The following ANKRD26 variants were observed in gnomAD, a reference collection of about 807,000 sequenced individuals.
The protein encoded by ANKRD26 is ankyrin repeat domain-containing protein 26.
ANKRD26 carries 141 observed loss-of-function variants against 208.7 expected under a neutral mutation model. That is an observed-to-expected ratio of 0.68 (90% CI 0.59 to 0.78). ANKRD26 has a LOEUF of 0.78. ANKRD26 is among the 30% of genes least tolerant of loss of function. The pLI, the probability that ANKRD26 is intolerant of heterozygous loss-of-function variation, is 0.00. For missense variants in ANKRD26, 1,889 were observed against 1,938.7 expected, an observed-to-expected ratio of 0.97 and a Z score of 0.48; for synonymous variants, 636 against 660.4, an observed-to-expected ratio of 0.96 and a Z score of 0.57.
At chr10:27,074,680 G>T (rs1443921706) in intron 9 of ANKRD26, among the ~76,000 whole-genome samples, 1 of 151,476 alleles carries the variant, frequency 6.6e-6, no homozygotes, top group Non-Finnish European at 1.5e-5. Flanking sequence ...TCTCGAGGGG[G>T]GAAAAGAAAA....
In ANKRD26 at chr10:27,034,896, T is replaced by G; in HGVS notation, c.3554A>C (p.Gln1185Pro). 1 of 1,613,896 alleles carries G rather than the reference T, an allele frequency of 6.2e-7. No homozygotes were observed. The highest frequency in any genetic ancestry group is 2.2e-5 in the East Asian group (1 of 44,872). Residue 1185 changes from glutamine to proline, a missense_variant, in exon 24 of 34, where the codon CAA becomes CCA. Around this residue, in one of 3 missense-constraint regions of ANKRD26, gnomAD observed 613 missense variants for 648.2 expected, o/e 0.95. Coordinates refer to ENST00000376087, the MANE Select transcript of ANKRD26 (RefSeq NM_014915.3). The stretch of plus-strand genomic sequence containing the variant: ...ATTTCTTTCTTCTAGCAGAAGACTT[T>G]GCTTTTCACTCTCAGCTTGAAGTTT... ...VQKLQAESEK[Q>P]SLLLEERNKE...
chr10:26,969,717 C>T (rs1223868355), downstream of ANKRD26, among the ~76,000 whole-genome samples: 1 of 151,804 alleles, frequency 6.6e-6, no homozygotes, highest in Non-Finnish European at 1.5e-5. Flanking sequence ...AGTATTTATG[C>T]ATTTTTTTTC....
the ANKRD26 span, among the ~76,000 whole-genome samples, chr10:26,967,120 G>T: frequency 7.7e-6 from 1 of 129,860 alleles, no homozygotes; most frequent in Admixed American, 7.4e-5. Flanking sequence ...TTTATGACAA[G>T]TGATATAACA....
At chr10:26,975,343 C>T (rs111332120) in exon 6 of ANKRD26, among the ~76,000 whole-genome samples, 5 of 151,658 alleles carry the variant, frequency 3.3e-5, no homozygotes, top group African/African-American at 1.2e-4. Context: ...ATCCTCCCAC[C>T]TCAGCCTCCT....
Position 27,053,384 on chromosome 10 carries a change from T to A in ANKRD26, c.1571A>T (p.His524Leu), listed in dbSNP as rs199656285. 4 of 1,610,218 alleles carry A rather than the reference T, an allele frequency of 2.5e-6. No individual in the cohort carries two copies. Among genetic ancestry groups the A allele is most frequent in the Non-Finnish European group, 2.5e-6 (3 of 1,178,010 alleles). Residue 524 changes from histidine (H) to leucine (L), a missense_variant, in exon 16 of 34, where the codon CAT (histidine) becomes CTT (leucine). Transcript: ENST00000376087. ...TTCTTCTGATGCTACTTCTAAGTCA[T>A]GTTCAGCTGAAAAAATCCAAATATT... Reference protein sequence around the residue: ...KDVQTSKAAEHDLEVASEEEQ... With the variant: ...KDVQTSKAAELDLEVASEEEQ...
intron 6 of ANKRD26, among the ~76,000 whole-genome samples, chr10:27,079,652 G>A (rs535303342): frequency 9.9e-5 from 15 of 152,238 alleles, no homozygotes; most frequent in Non-Finnish European, 1.5e-4. Flanking sequence ...CCAGGAGTTC[G>A]AGATCAGCCT....
intron 16 of ANKRD26, among the ~76,000 whole-genome samples, chr10:27,049,648 ATATAG>A: frequency 6.6e-6 from 1 of 152,320 alleles, no homozygotes; most frequent in Non-Finnish European, 1.5e-5. Flanking sequence ...GCTGGAGGAT[ATATAG>A]TATAAGTATT....
At chr10:27,081,894 G>A (rs909028240) in intron 6 of ANKRD26, among the ~76,000 whole-genome samples, 1 of 151,752 alleles carries the variant, frequency 6.6e-6, no homozygotes, top group African/African-American at 2.4e-5. Flanking sequence ...GCGCCACCAC[G>A]CCTGGCTAAT....
At chr10:26,966,412 A>G in the ANKRD26 span, among the ~76,000 whole-genome samples, 3 of 152,200 alleles carry the variant, frequency 2.0e-5, no homozygotes, top group African/African-American at 7.2e-5. Flanking sequence ...GTTCTCACTT[A>G]TAAGTGGGAG....
chr10:27,046,189 ATTGAAATGGCTGC>A (rs1229741988), intron 18 of ANKRD26, 151 bp downstream of exon 18: 1 of 755,984 alleles, frequency 1.3e-6, no homozygotes, highest in African/African-American at 1.8e-5. Flanking sequence ...GTGACCATTT[ATTGAAATGGCTGC>A]TTGTCAAAGT....
intron 3 of ANKRD26, among the ~76,000 whole-genome samples, chr10:26,983,188 C>T (rs2052334360): frequency 6.6e-6 from 1 of 152,136 alleles, no homozygotes; most frequent in Non-Finnish European, 1.5e-5. Context: ...TTTGTTAAGG[C>T]CTCTATATGC....
At chr10:27,001,304 G>A (rs2052719780), downstream of ANKRD26, among the ~76,000 whole-genome samples, 1 of 152,148 alleles carries the variant, frequency 6.6e-6, no homozygotes, top group Non-Finnish European at 1.5e-5. Context: ...CAGCATCACT[G>A]ATGGAGTAAT....
chr10:27,076,209 CCAAAAACACAATAT>C, intron 9 of ANKRD26, among the ~76,000 whole-genome samples: 1 of 150,106 alleles, frequency 6.7e-6, no homozygotes, highest in South Asian at 2.1e-4. Context: ...GTATTTATAA[CCAAAAACACAATAT>C]AAAAGATCAA....
In ANKRD26 at chr10:27,034,930, T is replaced by C. The variant is rs749443513; in HGVS notation, c.3520A>G (p.Ile1174Val). 6 of 1,613,962 alleles carry C rather than the reference T, an allele frequency of 3.7e-6. No individual in the cohort carries two copies. The Admixed American group carries it at 5.0e-5, about 13-fold the overall frequency. The change falls in exon 24 of 34, where the codon ATT becomes GTT. Residue 1174 changes from isoleucine (I) to valine (V), a missense_variant. Physicochemically the swap from Ile to Val is conservative, Grantham distance 29 (BLOSUM62 3). This residue lies in a region of ANKRD26 where 613 missense variants were observed against 648.2 expected (regional missense o/e 0.95). Transcript: ENST00000376087. ...CTCTCAGCTTGAAGTTTTTGCACAA[T>C]AGCATGAAACTGGTCTTGGATATTA... ...VINIQDQFHAIVQKLQAESEK... is the reference protein window; with the variant it reads ...VINIQDQFHAVVQKLQAESEK...
chr10:27,017,932 A>G (rs2053354268), intron 29 of ANKRD26, 140 bp from the exon 30 acceptor site: 7 of 802,972 alleles, frequency 8.7e-6, no homozygotes, highest in Non-Finnish European at 1.3e-5. Context: ...TCAAATGTGG[A>G]CCCTTAAATT....
chr10:26,977,238 C>A (rs1215532002), intron 5 of ANKRD26, among the ~76,000 whole-genome samples: 1 of 152,158 alleles, frequency 6.6e-6, no homozygotes, highest in Non-Finnish European at 1.5e-5. Flanking sequence ...TTCTTTACTA[C>A]CCGTGTATTC....
chr10:27,097,998 CTAAAA>C (rs1229363242), intron 1 of ANKRD26, among the ~76,000 whole-genome samples: 2 of 151,628 alleles, frequency 1.3e-5, no homozygotes, highest in Admixed American at 6.6e-5. Context: ...AAGGACACAA[CTAAAA>C]TAAAATGATT....
intron 9 of ANKRD26, among the ~76,000 whole-genome samples, chr10:27,072,749 C>A (rs2055550692): frequency 6.6e-6 from 1 of 152,256 alleles, no homozygotes; most frequent in South Asian, 2.1e-4. Flanking sequence ...CAGTTAATCA[C>A]CACTGCCTGC....
intron 16 of ANKRD26, 83 bp from the exon 17 acceptor site, chr10:27,049,062 A>G (rs993108768): frequency 1.1e-5 from 13 of 1,177,570 alleles, no homozygotes; most frequent in Admixed American, 2.3e-5. Context: ...TTATCATTTG[A>G]CTCAGTTTAA....
Sources: allele counts gnomAD v4.1 joint callset (sites outside exome capture counted in the v4.1 genomes callset), GRCh38; gene constraint gnomAD v4.1.1; regional missense constraint gnomAD v4.1.1; transcripts MANE v1.5; gene names NCBI Gene and HGNC (gene_info 2026-07-23, HGNC 2026-07-21).